BTBD8: variants seen among roughly 807,000 people sequenced by gnomAD.
BTBD8 encodes BTB/POZ domain-containing protein 8.
A neutral mutation model predicts 162.9 loss-of-function variants in BTBD8; 110 were observed. The ratio of observed to expected loss-of-function variants is 0.68; its 90% CI spans 0.58 to 0.79. BTBD8 has a LOEUF of 0.79. Among genes scored for constraint, BTBD8 ranks in the 30% least tolerant of loss-of-function variants. BTBD8 has a pLI of 0.00. For missense variants in BTBD8, 1,905 were observed against 2,085.4 expected (o/e 0.91, Z 1.68); for synonymous variants, 667 against 716.1 (o/e 0.93, Z 1.10).
chr1:92,156,696 T>C (rs1650164417), intron 9 of BTBD8, among the ~76,000 whole-genome samples: 2 of 152,168 alleles, frequency 1.3e-5, no homozygotes, highest in African/African-American at 4.8e-5. Context: ...AATTTATCCA[T>C]TTCTTCTAGT....
intron 4 of BTBD8, among the ~76,000 whole-genome samples, chr1:92,124,753 G>T (rs954956424): frequency 6.6e-6 from 1 of 152,102 alleles, no homozygotes. Flanking sequence ...TATTTTTAAA[G>T]AATGAATTAA....
intron 4 of BTBD8, among the ~76,000 whole-genome samples, chr1:92,117,263 T>C (rs761960166): frequency 6.6e-6 from 1 of 152,034 alleles, no homozygotes; most frequent in South Asian, 2.1e-4. Flanking sequence ...TCACATTACC[T>C]AATAAGTTTT....
intron 6 of BTBD8, 148 bp downstream of exon 6, chr1:92,139,578 CAA>C (rs1649717853): frequency 7.7e-7 from 1 of 1,290,560 alleles, no homozygotes; most frequent in Non-Finnish European, 9.8e-7. Context: ...CATCTAAAAA[CAA>C]TAAGCAAATC....
chr1:92,113,686 T>G (rs910619123), intron 4 of BTBD8, among the ~76,000 whole-genome samples: 1 of 150,580 alleles, frequency 6.6e-6, no homozygotes, highest in Non-Finnish European at 1.5e-5. Flanking sequence ...CCGAGTGCTG[T>G]AGCTGAAGCT....
At position 92,179,233 on chromosome 1, in the gene BTBD8, G is replaced by A. The variant is rs990428182; in HGVS notation, c.2581+782G>A. 4.6e-5 allele frequency among the ~76,000 whole-genome samples: 6 copies of A among 131,400 alleles called. No homozygotes were observed. The East Asian group carries it at 9.7e-4, about 21-fold the overall frequency. The allele number at this position is 131,400 out of a possible 152,430, so 86.2% of individuals were successfully genotyped here. A position where few individuals can be genotyped will look rare whatever the true frequency, so the allele number is the denominator to read the frequency against. ...TATACTCCAGGCTGGGCGACAGAGC[G>A]AGACTCTATCTCAAAAAAAAAAAAA... is the stretch of plus-strand genomic sequence containing the variant. On this transcript the variant is annotated intron_variant, in intron 16 of 17. Transcript: ENST00000636805.
chr1:92,162,708 C>G (rs2100660701), intron 9 of BTBD8, among the ~76,000 whole-genome samples: 1 of 152,248 alleles, frequency 6.6e-6, no homozygotes, highest in South Asian at 2.1e-4. Context: ...TTGCACTCTT[C>G]CAGCACCTCA....
At chr1:92,176,260 A>G (rs567362154) in intron 13 of BTBD8, among the ~76,000 whole-genome samples, 35 of 152,330 alleles carry the variant, frequency 2.3e-4, no homozygotes, top group South Asian at 1.4e-3. Flanking sequence ...AAATTATGCT[A>G]TATAGATGAC....
intron 13 of BTBD8, among the ~76,000 whole-genome samples, 199 bp from the exon 14 acceptor site, chr1:92,176,630 T>G (rs1266477003): frequency 6.6e-6 from 1 of 152,214 alleles, no homozygotes; most frequent in Admixed American, 6.5e-5. Flanking sequence ...TAAACACTTA[T>G]GCTGTATTTC....
intron 4 of BTBD8, among the ~76,000 whole-genome samples, chr1:92,124,345 T>C (rs1649298342): frequency 6.6e-6 from 1 of 152,208 alleles, no homozygotes; most frequent in Non-Finnish European, 1.5e-5. Flanking sequence ...TGAGACAACC[T>C]AGGAAGCCAT....
At chr1:92,127,577 TTTG>T (rs1204246908) in intron 4 of BTBD8, among the ~76,000 whole-genome samples, 2 of 150,780 alleles carry the variant, frequency 1.3e-5, no homozygotes, top group Non-Finnish European at 2.9e-5. Flanking sequence ...TGTTTGTTTG[TTTG>T]TTTGTTTGTT....
intron 2 of BTBD8, among the ~76,000 whole-genome samples, chr1:92,093,815 A>G (rs1365803230): frequency 6.6e-6 from 1 of 152,226 alleles, no homozygotes; most frequent in Non-Finnish European, 1.5e-5. Flanking sequence ...TTATTATCTC[A>G]TGATTATTGT....
intron 2 of BTBD8, among the ~76,000 whole-genome samples, chr1:92,092,263 G>A (rs1447554720): frequency 1.3e-5 from 2 of 152,006 alleles, no homozygotes; most frequent in African/African-American, 2.4e-5. Flanking sequence ...TTAGCTGGAT[G>A]TGGTGGTGTG....
intron 12 of BTBD8, 138 bp downstream of exon 12, chr1:92,169,133 A>T: frequency 1.3e-6 from 1 of 791,516 alleles, no homozygotes; most frequent in Non-Finnish European, 1.8e-6. Flanking sequence ...ACTGGTGCTC[A>T]TATGTTTAGG....
intron 4 of BTBD8, chr1:92,114,801 CT>C: frequency 3.5e-6 from 1 of 288,186 alleles, no homozygotes; most frequent in Non-Finnish European, 6.7e-6. Context: ...TCCAGGGGAT[CT>C]TACTCTTTGG....
Position 92,108,017 on chromosome 1 carries a change from T to C in BTBD8, c.662+16T>C, listed in dbSNP as rs769139261. On this transcript the variant is annotated intron_variant, in intron 4 of 17. Transcript: ENST00000636805. ...AAGCTCACAGGTAAATAGACACGAC[T>C]GATTTGCTGTCTTGGTTGTGGCTGT... 5 of 1,592,502 alleles carry C rather than the reference T, an allele frequency of 3.1e-6. No individual in the cohort carries two copies. Among genetic ancestry groups the C allele is most frequent in the Non-Finnish European group, 8.6e-7 (1 of 1,160,816 alleles).
chr1:92,167,705 T>C, intron 10 of BTBD8, 143 bp from the exon 11 acceptor site: 1 of 590,594 alleles, frequency 1.7e-6, no homozygotes, highest in Non-Finnish European at 2.8e-6. Flanking sequence ...TATGCATATA[T>C]GCGAATTTTT....
rs143229323 is a variant in BTBD8 at position 92,136,834 on chromosome 1, A to G, written c.753-2516A>G. Among the ~76,000 whole-genome samples, 274 of 152,332 alleles carry G rather than the reference A, an allele frequency of 1.8e-3. 3 individuals carry two copies. The highest frequency in any genetic ancestry group is 5.9e-3 in the African/African-American group (245 of 41,572). On this transcript the variant is annotated intron_variant, in intron 5 of 17. Transcript: ENST00000636805. ...TGAGACTAATAGTGGTATCTGCTGT[A>G]GAGTTGGTATGGTGATTAAATGAGC...
Position 92,180,272 on chromosome 1 carries a change from A to G in BTBD8, c.2589A>G (p.Gln863=). ...CCCTCTTACTTTTCTTAGGATCCCAAGGAGAGTCACCAAACTCAGTAAAAT... is the reference window on the plus strand; with the variant it reads ...CCCTCTTACTTTTCTTAGGATCCCAGGGAGAGTCACCAAACTCAGTAAAAT... ...PSNLTKTQGS[Q]GESPNSVKSS... is the part of the protein sequence containing the mutation. The change falls in exon 17 of 18, where the codon CAA becomes CAG. Residue 863 remains glutamine (Q), a synonymous_variant. Coordinates refer to ENST00000636805, the MANE Select transcript of BTBD8 (RefSeq NM_001376131.1). 1 of 1,539,784 alleles carries G rather than the reference A, an allele frequency of 6.5e-7. No individual in the cohort carries two copies. The highest frequency in any genetic ancestry group is 8.7e-7 in the Non-Finnish European group (1 of 1,142,902).
At chr1:92,166,914 A>G (rs1416464281) in intron 9 of BTBD8, 44 bp from the exon 10 acceptor site, 7 of 1,478,020 alleles carry the variant, frequency 4.7e-6, no homozygotes, top group African/African-American at 2.8e-5. Flanking sequence ...TTATTTTATT[A>G]GCAGTAATAG....
Sources: allele counts gnomAD v4.1 joint callset (sites outside exome capture counted in the v4.1 genomes callset), GRCh38; gene constraint gnomAD v4.1.1; transcripts MANE v1.5; gene names NCBI Gene and HGNC (gene_info 2026-07-23, HGNC 2026-07-21).